The following PPP1R13B variants were observed in gnomAD, a reference collection of about 807,000 sequenced individuals.
PPP1R13B encodes protein phosphatase 1 regulatory subunit 13B.
A neutral mutation model predicts 119.8 loss-of-function variants in PPP1R13B; 44 were observed. The ratio of observed to expected loss-of-function variants is 0.37; its 90% CI spans 0.29 to 0.47. PPP1R13B has a LOEUF of 0.47. Ranked by LOEUF, PPP1R13B falls within the 20% of genes least tolerant of loss-of-function variation. PPP1R13B has a pLI of 0.99. For synonymous variants in PPP1R13B, 542 were observed against 561.5 expected (o/e 0.97, Z 0.49); for missense variants, 1,227 against 1,413.5 (o/e 0.87, Z 2.12).
chr14:103,778,376 C>T (rs1009665216), intron 4 of PPP1R13B, among the ~76,000 whole-genome samples: 1 of 151,568 alleles, frequency 6.6e-6, no homozygotes, highest in Non-Finnish European at 1.5e-5. Context: ...ATTCTCCTGC[C>T]TCAGCCTCCC....
At chr14:103,788,772 T>C (rs1298508744) in intron 2 of PPP1R13B, among the ~76,000 whole-genome samples, 4 of 152,162 alleles carry the variant, frequency 2.6e-5, no homozygotes, top group African/African-American at 9.7e-5. Context: ...TCATGAGATA[T>C]TGTAACTGAA....
intron 1 of PPP1R13B, among the ~76,000 whole-genome samples, chr14:103,834,366 ACT>A (rs1269545345): frequency 3.3e-5 from 5 of 151,958 alleles, no homozygotes; most frequent in Non-Finnish European, 5.9e-5. Flanking sequence ...ACAGAGTGAG[ACT>A]CTGTCTCAAA....
chr14:103,741,704 C>A, intron 11 of PPP1R13B, 86 bp downstream of exon 11: 1 of 1,469,710 alleles, frequency 6.8e-7, no homozygotes, highest in Non-Finnish European at 9.2e-7. Context: ...GCACGTGGCC[C>A]AAACGTAAAG....
In PPP1R13B at chr14:103,786,766, C is replaced by CAAAAAAAAAAAAA. The variant is rs1174732049; in HGVS notation, c.158-1865_158-1853dup. On this transcript the variant is annotated intron_variant, in intron 2 of 16. Transcript: ENST00000202556. Reference sequence around the variant, plus strand: ...AGCAATAAGAGAGAAAACTCTGTCTCAAAAAAAAAAAAAAAAAAAAAAGGC... The same window carrying CAAAAAAAAAAAAA: ...AGCAATAAGAGAGAAAACTCTGTCTCAAAAAAAAAAAAAAAAAAAAAAAAAAAAAAAAAAAGGC... Among the ~76,000 whole-genome samples the CAAAAAAAAAAAAA allele has an allele frequency of 4.5e-5, 2 of 44,606 alleles. 1 individual carries two copies. The highest frequency in any genetic ancestry group is 1.9e-4 in the African/African-American group (2 of 10,520). 29.3% of individuals were successfully genotyped at this position (44,606 alleles called of 152,430 possible).
chr14:103,738,624 C>G lies in PPP1R13B; in HGVS notation c.2864+55G>C. On this transcript the variant is annotated intron_variant, in intron 14 of 16. Coordinates refer to ENST00000202556, the MANE Select transcript of PPP1R13B (RefSeq NM_015316.3). This position sits in a 1 kb window ranked among gnomAD's most constrained non-coding sequence, Gnocchi z 5.6. ...AATTGTCTAGAACACGCCTGTTTTC[C>G]TTATGCAAAGCAGGGAAAGTAAATC... 1 of 1,603,294 alleles carries G rather than the reference C, an allele frequency of 6.2e-7. No homozygotes were observed. The highest frequency in any genetic ancestry group is 8.5e-7 in the Non-Finnish European group (1 of 1,171,890).
chr14:103,840,648 G>A (rs1341450430), intron 1 of PPP1R13B, among the ~76,000 whole-genome samples: 2 of 152,000 alleles, frequency 1.3e-5, no homozygotes, highest in African/African-American at 4.8e-5. Context: ...AATATTAGCT[G>A]GGTGTGGAAG....
At chr14:103,748,477 G>C (rs922255133) in intron 8 of PPP1R13B, among the ~76,000 whole-genome samples, 4 of 152,162 alleles carry the variant, frequency 2.6e-5, no homozygotes, top group African/African-American at 9.7e-5. Flanking sequence ...GAGCAGTAGA[G>C]GCTAACAAGA....
At chr14:103,810,366 G>A (rs1459071876) in intron 1 of PPP1R13B, among the ~76,000 whole-genome samples, 1 of 152,034 alleles carries the variant, frequency 6.6e-6, no homozygotes, top group African/African-American at 2.4e-5. Flanking sequence ...AGGTTGCAGT[G>A]AGCCAAGTGA....
chr14:103,734,812 G>T lies in PPP1R13B; in HGVS notation c.*342C>A. On this transcript the variant is annotated 3_prime_UTR_variant, in exon 17 of 17. Transcript: ENST00000202556. ...CTGCTGGAGGGGGTGATGGCCTCGG[G>T]GCCAAGTCAGTAAGAGCTTCTGTCT... The T allele has an allele frequency of 2.2e-6, 1 of 462,418 alleles. No homozygotes were observed. Among genetic ancestry groups the T allele is most frequent in the Non-Finnish European group, 4.2e-6 (1 of 236,154 alleles). The allele number at this position is 462,418 out of a possible 1,614,324, so 28.6% of individuals were successfully genotyped here. A position where few individuals can be genotyped will look rare whatever the true frequency, so the allele number is the denominator to read the frequency against.
chr14:103,750,169 T>C (rs1275961675), intron 7 of PPP1R13B, among the ~76,000 whole-genome samples: 6 of 150,046 alleles, frequency 4.0e-5, no homozygotes, highest in African/African-American at 1.5e-4. Context: ...GCACACGAAA[T>C]GACTAGTGCC....
intron 4 of PPP1R13B, among the ~76,000 whole-genome samples, chr14:103,758,664 C>T (rs751506100): frequency 6.6e-6 from 1 of 152,202 alleles, no homozygotes; most frequent in African/African-American, 2.4e-5. Flanking sequence ...GGGGAAGGAG[C>T]ATGCCTAGAG....
upstream of PPP1R13B, chr14:103,848,448 G>GC: frequency 4.1e-6 from 4 of 985,470 alleles, no homozygotes; most frequent in Non-Finnish European, 4.8e-6. Flanking sequence ...AGTAAAGGCT[G>GC]CCAGGGGGGT....
In PPP1R13B at chr14:103,756,449, T is replaced by C. The variant is rs540285642; in HGVS notation, c.456+1201A>G. Among the ~76,000 whole-genome samples, 71 of 152,340 alleles carry C rather than the reference T, an allele frequency of 4.7e-4. 2 individuals are homozygous for C. In the South Asian group the frequency reaches 0.014, roughly 30 times the overall value. The stretch of plus-strand genomic sequence containing the variant: ...AATCATTTCCAGCAGGCATGTGTGA[T>C]ACATCTGATGTTTCAATTAAATATG... On this transcript the variant is annotated intron_variant, in intron 5 of 16. Coordinates refer to ENST00000202556, the MANE Select transcript of PPP1R13B (RefSeq NM_015316.3).
chr14:103,829,448 GTCTT>G (rs1411691054), intron 1 of PPP1R13B, among the ~76,000 whole-genome samples: 3 of 152,064 alleles, frequency 2.0e-5, no homozygotes, highest in African/African-American at 7.2e-5. Context: ...TACAGACAAG[GTCTT>G]TCTATGTTGT....
At chr14:103,792,632 G>A (rs1384626896) in intron 2 of PPP1R13B, among the ~76,000 whole-genome samples, 1 of 152,088 alleles carries the variant, frequency 6.6e-6, no homozygotes, top group Admixed American at 6.6e-5. Flanking sequence ...GATTGTCTGG[G>A]CACTGTGCAG....
At chr14:103,847,044 T>C in intron 1 of PPP1R13B, 1 of 1,049,864 alleles carries the variant, frequency 9.5e-7, no homozygotes, top group Non-Finnish European at 1.2e-6. Flanking sequence ...CCCAAATGCA[T>C]CTGCTTCTCC....
At chr14:103,735,607 A>G (rs2151957843) in intron 16 of PPP1R13B, among the ~76,000 whole-genome samples, 1 of 152,314 alleles carries the variant, frequency 6.6e-6, no homozygotes, top group South Asian at 2.1e-4. Flanking sequence ...GGGAATCACA[A>G]GTCCAACACA....
intron 1 of PPP1R13B, among the ~76,000 whole-genome samples, chr14:103,812,144 T>C (rs2086174073): frequency 6.7e-6 from 1 of 148,598 alleles, no homozygotes. Context: ...TTTTTTTTTT[T>C]TTCTAGACAG....
chr14:103,831,277 A>G (rs990991077), intron 1 of PPP1R13B, among the ~76,000 whole-genome samples: 1 of 150,966 alleles, frequency 6.6e-6, no homozygotes, highest in Non-Finnish European at 1.5e-5. Context: ...AGTTAAATAA[A>G]ATATATTAAA....
Sources: gnomAD v4.1 joint callset for allele counts (sites outside exome capture counted in the v4.1 genomes callset) on GRCh38, gnomAD v4.1.1 for gene constraint, Gnocchi (gnomAD v3.1) non-coding constraint, MANE v1.5 for transcripts, NCBI Gene and HGNC (gene_info 2026-07-23, HGNC 2026-07-21) for gene names.